CYP2J2: variants seen among roughly 807,000 people sequenced by gnomAD.
CYP2J2 encodes cytochrome P450 2J2.
CYP2J2 carries 41 observed loss-of-function variants against 48.8 expected under a neutral mutation model. The ratio of observed to expected loss-of-function variants is 0.84; its 90% CI spans 0.66 to 1.09. CYP2J2 has a LOEUF of 1.09. CYP2J2 is among the 50% of genes least tolerant of loss of function. The pLI is 0.00. For missense variants in CYP2J2, 644 were observed against 617.3 expected (o/e 1.04, Z -0.46); for synonymous variants, 221 against 227.1 (o/e 0.97, Z 0.24).
At chr1:59,925,714 T>C (rs1254700091) in intron 1 of CYP2J2, among the ~76,000 whole-genome samples, 2 of 152,230 alleles carry the variant, frequency 1.3e-5, no homozygotes, top group Non-Finnish European at 2.9e-5. Flanking sequence ...GCCATGTGTT[T>C]AAAGTACTGC....
intron 7 of CYP2J2, chr1:59,904,577 G>A (rs1273056566): frequency 3.6e-6 from 1 of 274,634 alleles, no homozygotes; most frequent in Non-Finnish European, 6.8e-6. Flanking sequence ...TGCCTGCCAC[G>A]TGCCCACAGA....
the CYP2J2 span, among the ~76,000 whole-genome samples, chr1:59,936,075 A>T: frequency 6.6e-6 from 1 of 152,022 alleles, no homozygotes; most frequent in South Asian, 2.1e-4. Context: ...CCCAGAATAT[A>T]CTCTCTTACA....
chr1:59,925,733 G>T (rs940759779), intron 1 of CYP2J2, among the ~76,000 whole-genome samples: 1 of 152,188 alleles, frequency 6.6e-6, no homozygotes, highest in Non-Finnish European at 1.5e-5. Flanking sequence ...GCAGGCATGT[G>T]CAGGGAAAGG....
chr1:59,921,993 C>T (rs1199681586), intron 1 of CYP2J2, among the ~76,000 whole-genome samples: 2 of 152,190 alleles, frequency 1.3e-5, no homozygotes, highest in African/African-American at 4.8e-5. Context: ...TAACCTACCC[C>T]CATCCTCACT....
chr1:59,944,759 AATTAC>A, the CYP2J2 span, among the ~76,000 whole-genome samples: 2 of 152,058 alleles, frequency 1.3e-5, no homozygotes, highest in Non-Finnish European at 2.9e-5. Context: ...TATTATTTTT[AATTAC>A]ATTATTTTAA....
chr1:59,941,924 TG>T, the CYP2J2 span, among the ~76,000 whole-genome samples: 2 of 152,194 alleles, frequency 1.3e-5, no homozygotes, highest in African/African-American at 2.4e-5. Flanking sequence ...AATTTATTAT[TG>T]ATGGAAAAAA....
the CYP2J2 span, among the ~76,000 whole-genome samples, chr1:59,955,178 A>T: frequency 2.9e-5 from 4 of 137,614 alleles, no homozygotes; most frequent in Admixed American, 7.1e-5. Flanking sequence ...AATAATTAAA[A>T]AAATAAAAAA....
At chr1:59,953,741 G>A in the CYP2J2 span, among the ~76,000 whole-genome samples, 4 of 152,100 alleles carry the variant, frequency 2.6e-5, no homozygotes, top group Non-Finnish European at 4.4e-5. Flanking sequence ...TTTTCGGTGT[G>A]GCAAAAATTT....
At chr1:59,926,215 G>T (rs75835112) in intron 1 of CYP2J2, among the ~76,000 whole-genome samples, 306 of 152,248 alleles carry the variant, frequency 2.0e-3, no homozygotes, top group African/African-American at 6.7e-3. Context: ...TTCTCAGAAA[G>T]AAAGTATAGC....
intron 8 of CYP2J2, among the ~76,000 whole-genome samples, chr1:59,895,287 C>T (rs1444778524): frequency 2.6e-5 from 4 of 152,218 alleles, no homozygotes; most frequent in African/African-American, 9.7e-5. Context: ...ACTCTTTATA[C>T]AACTTTCACG....
chr1:59,929,489 A>G (rs76242709), upstream of CYP2J2, among the ~76,000 whole-genome samples: 652 of 152,338 alleles, frequency 4.3e-3, 3 homozygotes, highest in African/African-American at 0.015. Flanking sequence ...AAATATGTCC[A>G]AAGAACTAAA....
At chr1:59,936,354 G>C in the CYP2J2 span, among the ~76,000 whole-genome samples, 1 of 152,118 alleles carries the variant, frequency 6.6e-6, no homozygotes, top group Non-Finnish European at 1.5e-5. Flanking sequence ...AATCAGGAGT[G>C]AATTCCTTTA....
At chr1:59,948,480 TTTATG>T in the CYP2J2 span, among the ~76,000 whole-genome samples, 1 of 151,906 alleles carries the variant, frequency 6.6e-6, no homozygotes, top group Non-Finnish European at 1.5e-5. Context: ...TCATAAATTA[TTTATG>T]TTATAAAACA....
At chr1:59,942,912 C>T in the CYP2J2 span, among the ~76,000 whole-genome samples, 1 of 152,094 alleles carries the variant, frequency 6.6e-6, no homozygotes, top group Non-Finnish European at 1.5e-5. Flanking sequence ...GAAGTAGGTA[C>T]TCTTATGAAC....
chr1:59,900,508 C>T (rs1260619254), intron 8 of CYP2J2, among the ~76,000 whole-genome samples: 1 of 152,162 alleles, frequency 6.6e-6, no homozygotes, highest in Non-Finnish European at 1.5e-5. Flanking sequence ...GTGGTGCATG[C>T]CTGTAATCCC....
At chr1:59,958,319 TCACA>T in the CYP2J2 span, among the ~76,000 whole-genome samples, 4 of 152,298 alleles carry the variant, frequency 2.6e-5, no homozygotes, top group South Asian at 8.3e-4. Context: ...CCTTTGGAAT[TCACA>T]GTTTATTATC....
intron 8 of CYP2J2, among the ~76,000 whole-genome samples, chr1:59,899,121 A>AT (rs1174987141): frequency 6.6e-6 from 1 of 152,174 alleles, no homozygotes; most frequent in Non-Finnish European, 1.5e-5. Flanking sequence ...TAGGTGAAGC[A>AT]TTTTTTGTGG....
Position 59,921,379 on chromosome 1 carries a change from G to T in CYP2J2, c.210+5158C>A, listed in dbSNP as rs1216768645. 2.6e-5 allele frequency among the ~76,000 whole-genome samples: 4 copies of T among 152,172 alleles called. No individual in the cohort carries two copies. The East Asian group carries it at 7.7e-4, about 29-fold the overall frequency. ...GTTGGGCTGCCAGAATGAGCCAACA[G>T]TGCCTGATGTGCTTCCCCCTGTAGA... is the stretch of plus-strand genomic sequence containing the variant. On this transcript the variant is annotated intron_variant, in intron 1 of 8. Coordinates refer to ENST00000371204, the MANE Select transcript of CYP2J2 (RefSeq NM_000775.4).
chr1:59,952,322 T>TTC, the CYP2J2 span, among the ~76,000 whole-genome samples: 1 of 151,768 alleles, frequency 6.6e-6, no homozygotes, highest in African/African-American at 2.4e-5. Context: ...TTTTTTTTTT[T>TTC]CTAAACTTCC....
Sources: gnomAD v4.1 joint callset for allele counts (sites outside exome capture counted in the v4.1 genomes callset) on GRCh38, gnomAD v4.1.1 for gene constraint, MANE v1.5 for transcripts, NCBI Gene and HGNC (gene_info 2026-07-23, HGNC 2026-07-21) for gene names.